The following AGBL4 variants were observed in gnomAD, a reference collection of about 807,000 sequenced individuals.
The protein encoded by AGBL4 is cytosolic carboxypeptidase 6.
AGBL4 carries 58 observed loss-of-function variants against 66.4 expected under a neutral mutation model. The ratio of observed to expected loss-of-function variants is 0.87; its 90% CI spans 0.71 to 1.09. The LOEUF is 1.09. AGBL4 is among the 50% of genes least tolerant of loss of function. The pLI, the probability that AGBL4 is intolerant of heterozygous loss-of-function variation, is 0.00. For missense variants in AGBL4, 579 were observed against 631.0 expected (o/e 0.92, Z 0.88); for synonymous variants, 234 against 222.9 (o/e 1.05, Z -0.44).
intron 5 of AGBL4, among the ~76,000 whole-genome samples, chr1:48,899,990 CA>C (rs1557440645): frequency 6.6e-6 from 1 of 151,828 alleles, no homozygotes; most frequent in Non-Finnish European, 1.5e-5. Flanking sequence ...GGGGTGGGGT[CA>C]GAAAAGATTT....
chr1:49,530,011 A>G (rs926285646), intron 3 of AGBL4, among the ~76,000 whole-genome samples: 2 of 151,836 alleles, frequency 1.3e-5, no homozygotes, highest in Admixed American at 6.6e-5. Context: ...GTGTCACAAT[A>G]CTTGGCACAC....
At chr1:49,115,591 A>G (rs1242345359) in intron 4 of AGBL4, among the ~76,000 whole-genome samples, 1 of 151,104 alleles carries the variant, frequency 6.6e-6, no homozygotes, top group East Asian at 1.9e-4. Flanking sequence ...GTTTGGAGGG[A>G]GAGAGAGAGA....
chr1:48,904,207 A>G (rs1022234267), intron 5 of AGBL4, among the ~76,000 whole-genome samples: 4 of 152,142 alleles, frequency 2.6e-5, no homozygotes, highest in Non-Finnish European at 5.9e-5. Flanking sequence ...TGAACCTGGG[A>G]GGCAGAGGTT....
At chr1:49,249,308 ATATTTGTAGAC>A (rs1249898466) in intron 3 of AGBL4, among the ~76,000 whole-genome samples, 2 of 152,202 alleles carry the variant, frequency 1.3e-5, no homozygotes, top group African/African-American at 4.8e-5. Flanking sequence ...ATGGGAGAAA[ATATTTGTAGAC>A]TATCCATCCT....
intron 12 of AGBL4, among the ~76,000 whole-genome samples, chr1:48,535,597 T>A (rs762486314): frequency 2.6e-5 from 4 of 152,204 alleles, no homozygotes; most frequent in Non-Finnish European, 5.9e-5. Context: ...GTTCTGGCCT[T>A]GTCACTGCCA....
At chr1:49,468,887 C>T (rs1319882194) in intron 3 of AGBL4, among the ~76,000 whole-genome samples, 3 of 151,694 alleles carry the variant, frequency 2.0e-5, no homozygotes, top group Non-Finnish European at 4.4e-5. Context: ...CCTTTTTGTA[C>T]ACGTACATTT....
At chr1:49,752,015 CA>C (rs1167461709) in intron 2 of AGBL4, among the ~76,000 whole-genome samples, 2 of 148,390 alleles carry the variant, frequency 1.3e-5, no homozygotes, top group African/African-American at 5.0e-5. Flanking sequence ...TTAATCTTTT[CA>C]AAAAACCAGC....
intron 6 of AGBL4, among the ~76,000 whole-genome samples, chr1:48,781,322 G>GGAAGCAGA (rs1645287474): frequency 6.6e-6 from 1 of 152,214 alleles, no homozygotes; most frequent in Non-Finnish European, 1.5e-5. Context: ...GCACCAGAAA[G>GGAAGCAGA]ACGTCAGTTC....
In AGBL4 at chr1:49,165,621, G is replaced by A. The variant is rs185011629; in HGVS notation, c.377+80149C>T. On this transcript the variant is annotated intron_variant, in intron 4 of 13. Coordinates refer to ENST00000371839, the MANE Select transcript of AGBL4 (RefSeq NM_032785.4). The stretch of plus-strand genomic sequence containing the variant: ...AAGAAATGAGAAAAATGGTACAGAA[G>A]AACAGACAAGAAAGGGAAAAGAAGG... Among the ~76,000 whole-genome samples, 534 of 150,668 alleles carry A rather than the reference G, an allele frequency of 3.5e-3. 9 individuals are homozygous for A. The highest frequency in any genetic ancestry group is 9.2e-4 in the Non-Finnish European group (62 of 67,644).
chr1:48,539,230 AATC>A (rs1265259788), intron 12 of AGBL4, among the ~76,000 whole-genome samples: 2 of 152,176 alleles, frequency 1.3e-5, no homozygotes, highest in African/African-American at 2.4e-5. Flanking sequence ...ATCTCATAAT[AATC>A]ATGTATGTGA....
chr1:48,957,444 C>A (rs1657573354), intron 5 of AGBL4, among the ~76,000 whole-genome samples: 1 of 152,148 alleles, frequency 6.6e-6, no homozygotes. Context: ...GACTACTGTA[C>A]ATGTGTGACA....
intron 2 of AGBL4, among the ~76,000 whole-genome samples, chr1:49,850,558 T>C (rs1646278266): frequency 6.6e-6 from 1 of 152,118 alleles, no homozygotes; most frequent in Non-Finnish European, 1.5e-5. Context: ...ACCTATACAA[T>C]ATGACATAAT....
At chr1:49,751,061 T>A (rs183774010) in intron 2 of AGBL4, among the ~76,000 whole-genome samples, 436 of 152,332 alleles carry the variant, frequency 2.9e-3, no homozygotes, top group African/African-American at 9.8e-3. Context: ...CCTCTCTTCC[T>A]ATTTGAATAA....
chr1:48,909,156 C>T (rs1485028574), intron 5 of AGBL4, among the ~76,000 whole-genome samples: 1 of 151,916 alleles, frequency 6.6e-6, no homozygotes, highest in East Asian at 1.9e-4. Flanking sequence ...TTGAGTATGC[C>T]CAAAACAAGG....
rs557809412 is a variant in AGBL4, at chr1:49,219,644, T to G, written c.377+26126A>C. ...TATAGCAATGTCCAGAATCCCTAAA[T>G]AAATAGAATATTTGCTGGCCTGAGA... On this transcript the variant is annotated intron_variant, in intron 4 of 13. Transcript: ENST00000371839. Among the ~76,000 whole-genome samples the G allele has an allele frequency of 2.0e-5, 3 of 152,168 alleles. No individual in the cohort carries two copies. The South Asian group carries it at 6.2e-4, about 31-fold the overall frequency.
chr1:49,137,060 A>G (rs1266025047), intron 4 of AGBL4, among the ~76,000 whole-genome samples: 2 of 152,208 alleles, frequency 1.3e-5, no homozygotes, highest in South Asian at 2.1e-4. Flanking sequence ...TTGAATTTAC[A>G]AATACTTACT....
chr1:49,353,510 C>T (rs1422589877), intron 3 of AGBL4, among the ~76,000 whole-genome samples: 1 of 152,080 alleles, frequency 6.6e-6, no homozygotes, highest in South Asian at 2.1e-4. Context: ...AGACTGCACC[C>T]TGGAAAAGGA....
At chr1:49,466,875 G>A (rs1423975762) in intron 3 of AGBL4, among the ~76,000 whole-genome samples, 4 of 151,744 alleles carry the variant, frequency 2.6e-5, no homozygotes, top group Non-Finnish European at 5.9e-5. Flanking sequence ...CCTTGTGATG[G>A]GCAAAGATGA....
At chr1:48,851,069 C>T (rs1647021507) in intron 6 of AGBL4, among the ~76,000 whole-genome samples, 1 of 152,156 alleles carries the variant, frequency 6.6e-6, no homozygotes, top group South Asian at 2.1e-4. Flanking sequence ...TATATGAAAA[C>T]CACTTGTAGT....
Sources: allele counts gnomAD v4.1 joint callset (sites outside exome capture counted in the v4.1 genomes callset), GRCh38; gene constraint gnomAD v4.1.1; transcripts MANE v1.5; gene names NCBI Gene and HGNC (gene_info 2026-07-23, HGNC 2026-07-21).